The following SPMIP11 variants were observed in gnomAD, a reference collection of about 807,000 sequenced individuals.
SPMIP11 encodes long intergenic non-protein coding RNA 935.
chr12:48,769,225 T>C, the SPMIP11 span, among the ~76,000 whole-genome samples: 1 of 151,680 alleles, frequency 6.6e-6, no homozygotes, highest in Non-Finnish European at 1.5e-5. Context: ...CTGGCCAACA[T>C]GGTGAAACCC....
At chr12:48,734,446 A>G in the SPMIP11 span, among the ~76,000 whole-genome samples, 1 of 152,140 alleles carries the variant, frequency 6.6e-6, no homozygotes, top group East Asian at 1.9e-4. Context: ...TCCCATTACG[A>G]CAGCTAAGAA....
the SPMIP11 span, among the ~76,000 whole-genome samples, chr12:48,744,852 C>A: frequency 1.9e-4 from 28 of 150,406 alleles, no homozygotes; most frequent in East Asian, 4.7e-3. Flanking sequence ...AAGAAGAAAG[C>A]AGAAAGAAAA....
chr12:48,740,776 A>T, the SPMIP11 span, among the ~76,000 whole-genome samples: 1 of 151,636 alleles, frequency 6.6e-6, no homozygotes, highest in East Asian at 1.9e-4. Flanking sequence ...AATGCTAGCT[A>T]CTCAGGAGAA....
chr12:48,734,409 C>G, the SPMIP11 span, among the ~76,000 whole-genome samples: 4 of 152,204 alleles, frequency 2.6e-5, no homozygotes, highest in African/African-American at 9.6e-5. Context: ...CTGTGCCCAG[C>G]TTCATTCTGG....
At chr12:48,748,013 C>A in the SPMIP11 span, among the ~76,000 whole-genome samples, 1 of 152,142 alleles carries the variant, frequency 6.6e-6, no homozygotes, top group Non-Finnish European at 1.5e-5. Flanking sequence ...CTATCATATT[C>A]CCCTAGTCAC....
At chr12:48,756,013 G>A in the SPMIP11 span, among the ~76,000 whole-genome samples, 1 of 151,382 alleles carries the variant, frequency 6.6e-6, no homozygotes, top group Non-Finnish European at 1.5e-5. Context: ...AAGCAGCTGG[G>A]ACTACAGGCC....
At chr12:48,751,853 G>A in the SPMIP11 span, among the ~76,000 whole-genome samples, 393 of 151,962 alleles carry the variant, frequency 2.6e-3, 1 homozygote, top group Non-Finnish European at 4.3e-3. Flanking sequence ...GATCACCTGC[G>A]GTCAGGAGTT....
At chr12:48,736,603 T>G in the SPMIP11 span, among the ~76,000 whole-genome samples, 1 of 152,134 alleles carries the variant, frequency 6.6e-6, no homozygotes, top group African/African-American at 2.4e-5. Flanking sequence ...TACTGTAGTC[T>G]AGACTGTTCA....
the SPMIP11 span, among the ~76,000 whole-genome samples, chr12:48,729,059 A>G: frequency 6.6e-6 from 1 of 152,226 alleles, no homozygotes; most frequent in South Asian, 2.1e-4. Flanking sequence ...GTAAAACAGG[A>G]AGCTAGGGGA....
At chr12:48,745,200 C>T in the SPMIP11 span, among the ~76,000 whole-genome samples, 3 of 151,396 alleles carry the variant, frequency 2.0e-5, no homozygotes, top group African/African-American at 7.3e-5. Flanking sequence ...ATGGCTTGAA[C>T]CCAGGAGGCC....
the SPMIP11 span, among the ~76,000 whole-genome samples, chr12:48,729,887 C>T: frequency 2.0e-5 from 3 of 152,034 alleles, no homozygotes; most frequent in African/African-American, 7.2e-5. Flanking sequence ...TTATACAAGC[C>T]CTTCCCCTCC....
the SPMIP11 span, among the ~76,000 whole-genome samples, chr12:48,756,249 G>A: frequency 3.3e-5 from 5 of 151,984 alleles, no homozygotes; most frequent in African/African-American, 9.7e-5. Flanking sequence ...TTCAAATACC[G>A]GCTCAATAAT....
chr12:48,764,278 C>T, the SPMIP11 span, among the ~76,000 whole-genome samples: 13 of 152,096 alleles, frequency 8.5e-5, no homozygotes, highest in Non-Finnish European at 1.6e-4. Flanking sequence ...CGTGAGCCAC[C>T]GTGCCCAGCC....
At chr12:48,769,413 C>CAAAA in the SPMIP11 span, among the ~76,000 whole-genome samples, 2 of 38,836 alleles carry the variant, frequency 5.1e-5, no homozygotes, top group African/African-American at 8.4e-5. Context: ...ATCCCCATCT[C>CAAAA]AAAAAAAAAA....
the SPMIP11 span, among the ~76,000 whole-genome samples, chr12:48,736,922 T>C: frequency 1.3e-5 from 2 of 152,016 alleles, no homozygotes; most frequent in African/African-American, 2.4e-5. Flanking sequence ...TACATTCCTT[T>C]GTATGTAACT....
chr12:48,765,714 A>G, the SPMIP11 span: 6 of 701,452 alleles, frequency 8.6e-6, no homozygotes, highest in Non-Finnish European at 1.6e-5. Context: ...GGGGGAAAGA[A>G]GGAGGTTTCC....
At chr12:48,738,802 G>A in the SPMIP11 span, among the ~76,000 whole-genome samples, 1 of 152,014 alleles carries the variant, frequency 6.6e-6, no homozygotes, top group Non-Finnish European at 1.5e-5. Flanking sequence ...CTATTTGTTA[G>A]AAGAGAATTA....
chr12:48,755,597 T>C, the SPMIP11 span, among the ~76,000 whole-genome samples: 1 of 152,194 alleles, frequency 6.6e-6, no homozygotes, highest in East Asian at 1.9e-4. Context: ...GCAAGGTATA[T>C]GCCAATTGGT....
At chr12:48,754,544 G>C in the SPMIP11 span, among the ~76,000 whole-genome samples, 1 of 151,430 alleles carries the variant, frequency 6.6e-6, no homozygotes, top group Non-Finnish European at 1.5e-5. Flanking sequence ...TCCACCTCCC[G>C]GGTTCACGCC....
Sources: gnomAD v4.1 joint callset for allele counts (sites outside exome capture counted in the v4.1 genomes callset) on GRCh38, gnomAD v4.1.1 for gene constraint, MANE v1.5 for transcripts, NCBI Gene and HGNC (gene_info 2026-07-23, HGNC 2026-07-21) for gene names.